The following ANK2 variants were observed in gnomAD, a reference collection of about 807,000 sequenced individuals.
ANK2 encodes the protein ankyrin 2.
Under a neutral mutation model 360.5 loss-of-function variants are expected in ANK2, and 83 were observed. The observed-to-expected ratio is 0.23, with a 90% CI of 0.19 to 0.28. ANK2 has a LOEUF of 0.28. Among genes scored for constraint, ANK2 ranks in the 10% least tolerant of loss-of-function variants. The pLI is 1.00. For synonymous variants in ANK2, 1,740 were observed against 1,759.5 expected, an observed-to-expected ratio of 0.99 and a Z score of 0.28; for missense variants, 4,201 against 4,795.7, an observed-to-expected ratio of 0.88 and a Z score of 3.66.
chr4:113,087,316 T>TA (rs1231865294), intron 1 of ANK2, among the ~76,000 whole-genome samples: 1 of 152,084 alleles, frequency 6.6e-6, no homozygotes, highest in East Asian at 1.9e-4. Flanking sequence ...TTAGTGCTGT[T>TA]AAAAAAAGAT....
intron 22 of ANK2, among the ~76,000 whole-genome samples, chr4:113,296,588 A>G (rs1039889330): frequency 2.0e-5 from 3 of 152,204 alleles, no homozygotes; most frequent in Admixed American, 2.0e-4. Context: ...TTGTAAAGGA[A>G]AAACCACTTC....
the ANK2 span, among the ~76,000 whole-genome samples, chr4:112,791,166 G>T: frequency 6.6e-6 from 1 of 152,184 alleles, no homozygotes; most frequent in East Asian, 1.9e-4. Flanking sequence ...TCTAACATAT[G>T]AGAGTGGAAT....
chr4:112,826,186 C>A, intron 1 of ANK2: 1 of 297,758 alleles, frequency 3.4e-6, no homozygotes, highest in South Asian at 4.8e-5. Context: ...TGAACTTGCC[C>A]CAAATGTGTG....
At chr4:112,720,989 C>T in the ANK2 span, among the ~76,000 whole-genome samples, 1 of 152,196 alleles carries the variant, frequency 6.6e-6, no homozygotes, top group African/African-American at 2.4e-5. Flanking sequence ...AAATCCTCCA[C>T]TCCATCCCCA....
chr4:113,173,440 T>C (rs2098069463), intron 1 of ANK2, among the ~76,000 whole-genome samples: 1 of 152,172 alleles, frequency 6.6e-6, no homozygotes, highest in South Asian at 2.1e-4. Flanking sequence ...AATAGGTAAA[T>C]TGTGTCCCTT....
At chr4:113,087,934 A>G (rs1395106) in intron 1 of ANK2, among the ~76,000 whole-genome samples, 49,961 of 152,098 alleles carry the variant, frequency 0.33, 9,316 homozygotes, top group African/African-American at 0.51. Flanking sequence ...AATAAATTCT[A>G]GATTCTGAGC....
chr4:112,851,042 G>A lies in ANK2; in HGVS notation c.-40+32778G>A, dbSNP rs562324589. Among the ~76,000 whole-genome samples, 3 of 152,060 alleles carry A rather than the reference G, an allele frequency of 2.0e-5. No individual in the cohort carries two copies. In the East Asian group the frequency reaches 5.8e-4, roughly 29 times the overall value. ...TTTATGGGACCAATAAATAGCACTC[G>A]TCCTCTATACCTGAGGTCGGAACCA... is the stretch of plus-strand genomic sequence containing the variant. On this transcript the variant is annotated intron_variant, in intron 1 of 30. Coordinates refer to the ANK2 transcript ENST00000503271.
chr4:112,973,006 T>C (rs1466039194), intron 2 of ANK2, among the ~76,000 whole-genome samples: 3 of 152,060 alleles, frequency 2.0e-5, no homozygotes, highest in Non-Finnish European at 4.4e-5. Context: ...TAATGGGCTT[T>C]AGGGGCTTGA....
At chr4:113,273,325 A>G (rs2059165494) in intron 14 of ANK2, among the ~76,000 whole-genome samples, 2 of 152,232 alleles carry the variant, frequency 1.3e-5, no homozygotes. Context: ...TCACATATGC[A>G]TTGTACATGA....
At chr4:112,797,796 G>A in the ANK2 span, 1 of 155,806 alleles carries the variant, frequency 6.4e-6, no homozygotes. Context: ...ATAATAGGAG[G>A]CTCTTCTGCT....
the ANK2 span, among the ~76,000 whole-genome samples, chr4:112,809,520 C>A: frequency 7.1e-6 from 1 of 140,138 alleles, no homozygotes; most frequent in Non-Finnish European, 1.5e-5. Context: ...GAGATCTCGC[C>A]ACTGCACTCC....
At position 113,358,285 on chromosome 4, in the gene ANK2, A is replaced by G. The variant is rs2095939724; in HGVS notation, c.9667A>G (p.Lys3223Glu). 1 of 1,613,706 alleles carries G rather than the reference A, an allele frequency of 6.2e-7. No homozygotes were observed. Among genetic ancestry groups the G allele is most frequent in the Non-Finnish European group, 8.5e-7 (1 of 1,179,804 alleles). ...PTKEAVSVGT[K>E]DLPTVQTGDI... ...AAAAGAAGCTGTTAGTGTAGGGACC[A>G]AGGACCTCCCCACCGTGCAAACGGG... Residue 3223 changes from lysine to glutamate, a missense_variant, in exon 38 of 46, where the codon AAG becomes GAG. Transcript: ENST00000357077.
chr4:113,089,326 G>A (rs1417450222), intron 1 of ANK2, among the ~76,000 whole-genome samples: 2 of 152,198 alleles, frequency 1.3e-5, no homozygotes, highest in South Asian at 2.1e-4. Context: ...AAGAATGTTA[G>A]CAAGTGAAAC....
intron 1 of ANK2, among the ~76,000 whole-genome samples, chr4:112,882,701 ATT>A (rs58342870): frequency 1.9e-4 from 28 of 149,132 alleles, no homozygotes; most frequent in Non-Finnish European, 2.8e-4. Flanking sequence ...TAATAATAGA[ATT>A]TTTTTTTTTT....
rs748006229 is a variant in ANK2 at position 113,292,496 on chromosome 4, G to A, written c.2358G>A (p.Lys786=). 3 of 1,610,574 alleles carry A rather than the reference G, an allele frequency of 1.9e-6. No individual in the cohort carries two copies. The highest frequency in any genetic ancestry group is 2.5e-6 in the Non-Finnish European group (3 of 1,178,324). Reference sequence around the variant, plus strand: ...ACGTCCTGCTCCAGCATGGGGCCAAGCCCAACGCCACCACTGCGGTAAGGC... The same window carrying A: ...ACGTCCTGCTCCAGCATGGGGCCAAACCCAACGCCACCACTGCGGTAAGGC... ...IINVLLQHGA[K]PNATTANGNT... Residue 786 remains lysine (K), a synonymous_variant, in exon 21 of 46, where the codon AAG becomes AAA. Transcript: ENST00000357077.
At chr4:113,368,851 CAG>C (rs2096629915) in intron 42 of ANK2, among the ~76,000 whole-genome samples, 1 of 152,094 alleles carries the variant, frequency 6.6e-6, no homozygotes, top group Admixed American at 6.6e-5. Flanking sequence ...GAGAGGATAA[CAG>C]AGAGACATTT....
chr4:113,108,188 T>C (rs991785467), intron 1 of ANK2, among the ~76,000 whole-genome samples: 1 of 152,176 alleles, frequency 6.6e-6, no homozygotes, highest in African/African-American at 2.4e-5. Context: ...CACTGGTTTG[T>C]TATCTGTTAA....
At chr4:112,756,114 C>A in the ANK2 span, among the ~76,000 whole-genome samples, 1 of 151,816 alleles carries the variant, frequency 6.6e-6, no homozygotes, top group South Asian at 2.1e-4. Context: ...TGGCGGGTGC[C>A]TGTAGTCCCA....
intron 13 of ANK2, among the ~76,000 whole-genome samples, chr4:113,258,826 C>T (rs1234621009): frequency 6.6e-6 from 1 of 152,164 alleles, no homozygotes; most frequent in Non-Finnish European, 1.5e-5. Flanking sequence ...AAATCATTAC[C>T]ATAATTAACC....
Sources: gnomAD v4.1 joint callset for allele counts (sites outside exome capture counted in the v4.1 genomes callset) on GRCh38, gnomAD v4.1.1 for gene constraint, MANE v1.5 for transcripts, NCBI Gene and HGNC (gene_info 2026-07-23, HGNC 2026-07-21) for gene names.